The following HMCN2 variants were observed in gnomAD, a reference collection of about 807,000 sequenced individuals.
HMCN2 encodes the protein hemicentin-2.
A neutral mutation model predicts 377.5 loss-of-function variants in HMCN2; 325 were observed. The ratio of observed to expected loss-of-function variants is 0.86; its 90% CI spans 0.79 to 0.94. HMCN2 has a LOEUF of 0.94. Among genes scored for constraint, HMCN2 ranks in the 40% least tolerant of loss-of-function variants. The pLI, the probability that HMCN2 is intolerant of heterozygous loss-of-function variation, is 0.00. For synonymous variants in HMCN2, 2,007 were observed against 2,046.8 expected (o/e 0.98, Z 0.53); for missense variants, 4,543 against 4,725.3 (o/e 0.96, Z 1.13).
At chr9:130,302,072 T>C (rs10760666) in intron 8 of HMCN2, among the ~76,000 whole-genome samples, 72,820 of 149,264 alleles carry the variant, frequency 0.49, 19,359 homozygotes, top group African/African-American at 0.72. Context: ...GATGAAGTCT[T>C]GCTCTGTAGC....
At chr9:130,403,106 C>A in intron 78 of HMCN2, 88 bp from the exon 79 acceptor site, 1 of 1,181,340 alleles carries the variant, frequency 8.5e-7, no homozygotes, top group Non-Finnish European at 1.1e-6. Context: ...TCCTTAGAGG[C>A]CTCTCTCTCT....
At chr9:130,312,539 C>CCCTCCCTTCTTT (rs1554939344) in intron 15 of HMCN2, among the ~76,000 whole-genome samples, 1 of 6,620 alleles carries the variant, frequency 1.5e-4, no homozygotes, top group African/African-American at 3.9e-4. Context: ...CTCCCTCCCT[C>CCCTCCCTTCTTT]CTTTCTTTCT....
In HMCN2 at chr9:130,430,536, T is replaced by A. The variant is rs1336846987; in HGVS notation, c.14579T>A (p.Met4860Lys). ...TGGGTCTCTCTCCGTCCGGGTCCCA[T>A]GGCCCTGAGCAGTGTGGGCCGGGCC... The part of the protein sequence containing the change: ...HAWVSLRPGP[M>K]ALSSVGRAWC... Residue 4860 changes from methionine to lysine, a missense_variant, in exon 95 of 98, where the codon ATG becomes AAG. By Grantham distance (95) the Met-to-Lys change is moderately conservative. Around this residue, in one of 5 missense-constraint regions of HMCN2, gnomAD observed 1,155 missense variants for 1,157.7 expected, o/e 1.00. Transcript: ENST00000683500. The A allele has an allele frequency of 1.9e-6, 3 of 1,550,482 alleles. No individual in the cohort carries two copies. The highest frequency in any genetic ancestry group is 1.4e-5 in the African/African-American group (1 of 73,064).
At chr9:130,293,303 G>GTTTTTTTA (rs1588186458) in intron 4 of HMCN2, among the ~76,000 whole-genome samples, 4 of 77,302 alleles carry the variant, frequency 5.2e-5, no homozygotes, top group African/African-American at 9.0e-5. Context: ...TTTTTTTTGC[G>GTTTTTTTA]GTTCTTGTTG....
chr9:130,290,654 C>A (rs527296645), intron 4 of HMCN2, among the ~76,000 whole-genome samples: 3 of 152,318 alleles, frequency 2.0e-5, no homozygotes, highest in South Asian at 2.1e-4. Flanking sequence ...TGTCCACCCC[C>A]ACATGGACGA....
chr9:130,393,971 G>A lies in HMCN2; in HGVS notation c.10464G>A (p.Ala3488=), dbSNP rs989258636. The change falls in exon 68 of 98, where the codon GCG becomes GCA. Residue 3488 remains alanine (A), a synonymous_variant. Coordinates refer to ENST00000683500, the MANE Select transcript of HMCN2 (RefSeq NM_001291815.2). The surrounding 1 kb of genome is among the most constrained non-coding windows in gnomAD (Gnocchi z 5.2). ...GTYSCVAVSE[A]GEARRHFQLT... ...ACTCCTGTGTGGCCGTGAGCGAGGC[G>A]GGGGAAGCCAGGAGGCATTTCCAGC... The A allele has an allele frequency of 9.4e-6, 12 of 1,280,138 alleles. No individual in the cohort carries two copies. The highest frequency in any genetic ancestry group is 7.6e-5 in the African/African-American group (5 of 65,494). 79.3% of individuals were successfully genotyped at this position (1,280,138 alleles called of 1,614,324 possible). A position where few individuals can be genotyped will look rare whatever the true frequency, so the allele number is the denominator to read the frequency against.
At chr9:130,382,005 AC>A (rs752970777) in intron 54 of HMCN2, among the ~76,000 whole-genome samples, 178 bp from the exon 55 acceptor site, 13 of 152,092 alleles carry the variant, frequency 8.5e-5, no homozygotes, top group Non-Finnish European at 1.9e-4. Flanking sequence ...TGGTGGCTGT[AC>A]CCTGACTTGA....
chr9:130,403,103 A>G (rs1026333361), intron 78 of HMCN2, 91 bp from the exon 79 acceptor site: 6 of 1,178,682 alleles, frequency 5.1e-6, no homozygotes, highest in Non-Finnish European at 6.6e-6. Context: ...TTCTCCTTAG[A>G]GGCCTCTCTC....
Position 130,356,264 on chromosome 9 carries a change from G to T in HMCN2, c.5425+7G>T. ...GTGGAGGTGTCTGTGCATGGTGAGT[G>T]GGCGCCTGGGGTTCTGGAGCTGTGG... On this transcript the variant is annotated splice_region_variant and intron_variant, in intron 34 of 97. Coordinates refer to ENST00000683500, the MANE Select transcript of HMCN2 (RefSeq NM_001291815.2). 1 of 1,288,110 alleles carries T rather than the reference G, an allele frequency of 7.8e-7. No individual in the cohort carries two copies. The allele number at this position is 1,288,110 out of a possible 1,614,324, so 79.8% of individuals were successfully genotyped here.
chr9:130,384,664 G>A (rs1841918115), intron 58 of HMCN2, 21 bp from the exon 59 acceptor site: 3 of 1,302,050 alleles, frequency 2.3e-6, no homozygotes, highest in Non-Finnish European at 3.0e-6. Flanking sequence ...GCTGGTGTGA[G>A]GGGCTGGCTT....
chr9:130,403,416 CCCCGCAGACCTGCTGAGAGG>C, intron 79 of HMCN2, 88 bp downstream of exon 79: 1 of 1,239,692 alleles, frequency 8.1e-7, no homozygotes, highest in Non-Finnish European at 1.0e-6. Flanking sequence ...CCCTGGGAGA[CCCCGCAGACCTGCTGAGAGG>C]TCCTGGAAAG....
intron 87 of HMCN2, 138 bp from the exon 88 acceptor site, chr9:130,424,638 C>A: frequency 2.4e-6 from 2 of 837,498 alleles, no homozygotes; most frequent in Non-Finnish European, 3.3e-6. Context: ...GCATGGCAGT[C>A]ACAAGGCTGA....
rs1337138939 is a variant in HMCN2 at position 130,394,777 on chromosome 9, C to T, written c.10692+202C>T. Among the ~76,000 whole-genome samples the T allele has an allele frequency of 6.6e-6, 1 of 152,178 alleles. No homozygotes were observed. Among genetic ancestry groups the T allele is most frequent in the African/African-American group, 2.4e-5 (1 of 41,436 alleles). On this transcript the variant is annotated intron_variant, in intron 69 of 97. Transcript: ENST00000683500. The surrounding 1 kb of genome is among the most constrained non-coding windows in gnomAD (Gnocchi z 5.1). ...TCAGGGCCCAGGCTGATGCCAAAAC[C>T]AGGTGACCCCATCTAGGCCAGAGGA...
intron 14 of HMCN2, 45 bp downstream of exon 14, chr9:130,307,611 G>A (rs1836953279): frequency 2.1e-6 from 1 of 470,872 alleles, no homozygotes; most frequent in Non-Finnish European, 4.4e-6. Context: ...TTTCCAGAAA[G>A]CAAGGTGTTG....
Position 130,395,478 on chromosome 9 carries a change from C to T in HMCN2, c.10911+131C>T, listed in dbSNP as rs367963209. On this transcript the variant is annotated intron_variant, in intron 71 of 97. Coordinates refer to ENST00000683500, the MANE Select transcript of HMCN2 (RefSeq NM_001291815.2). ...GAGCTGCACTTTGCACCCTGTTCCC[C>T]GGGTGTCATACCCCCCGCCATTGTC... 1.4e-4 allele frequency: 106 copies of T among 739,692 alleles called. No homozygotes were observed. The East Asian group carries it at 2.7e-3, about 19-fold the overall frequency. 45.8% of individuals were successfully genotyped at this position (739,692 alleles called of 1,614,324 possible). A position where few individuals can be genotyped will look rare whatever the true frequency, so the allele number is the denominator to read the frequency against.
chr9:130,273,976 T>C (rs1834540899), intron 1 of HMCN2, among the ~76,000 whole-genome samples: 1 of 151,998 alleles, frequency 6.6e-6, no homozygotes, highest in Non-Finnish European at 1.5e-5. Flanking sequence ...GGGTGTTGAA[T>C]TTTAGCAAGT....
chr9:130,384,723 G>A lies in HMCN2; in HGVS notation c.9031G>A (p.Asp3011Asn). Residue 3011 changes from aspartate to asparagine, a missense_variant, in exon 59 of 98, where the codon GAC (aspartate) becomes AAC (asparagine). By Grantham distance (23) the Asp-to-Asn change is conservative. Around this residue, in one of 5 missense-constraint regions of HMCN2, gnomAD observed 736 missense variants for 773.2 expected, o/e 0.95. Coordinates refer to ENST00000683500, the MANE Select transcript of HMCN2 (RefSeq NM_001291815.2). Reference protein sequence around the residue: ...TLQLGRARLSDSGMYTCEALN... With the variant: ...TLQLGRARLSNSGMYTCEALN... ...GCAGCTGGGGAGAGCACGGCTGTCG[G>A]ACTCCGGGATGTACACATGCGAAGC... is the stretch of plus-strand genomic sequence containing the variant. The A allele has an allele frequency of 2.3e-6, 3 of 1,302,624 alleles. No individual in the cohort carries two copies. Among genetic ancestry groups the A allele is most frequent in the Non-Finnish European group, 3.0e-6 (3 of 988,938 alleles). The allele number at this position is 1,302,624 out of a possible 1,614,324, so 80.7% of individuals were successfully genotyped here. A position where few individuals can be genotyped will look rare whatever the true frequency, so the allele number is the denominator to read the frequency against.
chr9:130,355,311 G>A (rs187547135), intron 32 of HMCN2, among the ~76,000 whole-genome samples: 12 of 152,302 alleles, frequency 7.9e-5, no homozygotes, highest in African/African-American at 1.4e-4. Context: ...AGAGGACCTC[G>A]TTCTGCCTTC....
chr9:130,388,177 T>C (rs1842116862), intron 61 of HMCN2, among the ~76,000 whole-genome samples: 1 of 152,136 alleles, frequency 6.6e-6, no homozygotes, highest in Non-Finnish European at 1.5e-5. Flanking sequence ...TTAAGGACTG[T>C]GGGTGAGTGA....
Sources: allele counts gnomAD v4.1 joint callset (sites outside exome capture counted in the v4.1 genomes callset), GRCh38; gene constraint gnomAD v4.1.1; regional missense constraint gnomAD v4.1.1; non-coding constraint Gnocchi (gnomAD v3.1); transcripts MANE v1.5; gene names NCBI Gene and HGNC (gene_info 2026-07-23, HGNC 2026-07-21).